Variants in ADAMTSL3 observed in about 807,000 individuals in gnomAD.
ADAMTSL3 encodes the protein ADAMTS like 3, also known as ADAMTS-like protein 3.
ADAMTSL3 carries 128 observed loss-of-function variants against 201.7 expected under a neutral mutation model. The ratio of observed to expected loss-of-function variants is 0.63; its 90% CI spans 0.55 to 0.73. The LOEUF (loss-of-function observed/expected upper bound fraction) is 0.73, where lower values mean the gene tolerates loss of function less well. ADAMTSL3 is among the 30% of genes least tolerant of loss of function. The probability of loss-of-function intolerance (pLI) is 0.00; values close to 1 mark genes in which losing one functional copy is unlikely to be tolerated. For missense variants in ADAMTSL3, 1,990 were observed against 2,119.6 expected, an observed-to-expected ratio of 0.94 and a Z score of 1.20; for synonymous variants, 738 against 748.4, an observed-to-expected ratio of 0.99 and a Z score of 0.23.
At chr15:83,798,986 C>T (rs1261600175) in intron 4 of ADAMTSL3, among the ~76,000 whole-genome samples, 1 of 152,060 alleles carries the variant, frequency 6.6e-6, no homozygotes, top group Admixed American at 6.5e-5. Context: ...AGCTGTAAAC[C>T]TTAATCATTC....
chr15:83,956,770 G>A (rs1164874532), intron 19 of ADAMTSL3, among the ~76,000 whole-genome samples: 1 of 152,064 alleles, frequency 6.6e-6, no homozygotes, highest in Non-Finnish European at 1.5e-5. Flanking sequence ...TTCTGCACAT[G>A]TTTGTATCCC....
intron 23 of ADAMTSL3, among the ~76,000 whole-genome samples, chr15:83,992,446 C>T (rs992640847): frequency 2.6e-5 from 4 of 152,160 alleles, no homozygotes; most frequent in Non-Finnish European, 4.4e-5. Context: ...TGGCAAAATA[C>T]ACCCACCATT....
intron 6 of ADAMTSL3, among the ~76,000 whole-genome samples, chr15:83,835,345 C>G (rs2064247348): frequency 1.3e-5 from 2 of 151,886 alleles, no homozygotes; most frequent in African/African-American, 2.4e-5. Flanking sequence ...TTATGAATCA[C>G]AAGGCAAGAC....
chr15:83,998,413 C>T (rs1291201238), intron 23 of ADAMTSL3, among the ~76,000 whole-genome samples: 1 of 152,108 alleles, frequency 6.6e-6, no homozygotes, highest in African/African-American at 2.4e-5. Flanking sequence ...AGTGCCACTG[C>T]ACTCCAGCCT....
intron 3 of ADAMTSL3, among the ~76,000 whole-genome samples, chr15:83,714,791 T>TTTTCTTTCTC (rs2061982505): frequency 6.3e-5 from 5 of 78,796 alleles, no homozygotes; most frequent in Non-Finnish European, 1.3e-4. Context: ...TTCTTTTTCT[T>TTTTCTTTCTC]TCTCTCTCTT....
chr15:83,960,376 G>GT (rs2066944185), intron 19 of ADAMTSL3, among the ~76,000 whole-genome samples: 2 of 152,120 alleles, frequency 1.3e-5, no homozygotes, highest in South Asian at 4.2e-4. Context: ...GAGGGGGAAG[G>GT]CTGAGAGCTG....
At chr15:83,840,693 G>A (rs1374125106) in intron 7 of ADAMTSL3, among the ~76,000 whole-genome samples, 1 of 152,118 alleles carries the variant, frequency 6.6e-6, no homozygotes, top group Non-Finnish European at 1.5e-5. Flanking sequence ...AGCTGAGATG[G>A]GAAACCATGA....
intron 16 of ADAMTSL3, among the ~76,000 whole-genome samples, chr15:83,918,015 C>A (rs1328634727): frequency 6.6e-6 from 1 of 152,138 alleles, no homozygotes; most frequent in African/African-American, 2.4e-5. Context: ...AAAAATCTGA[C>A]TAAATTGTTG....
At chr15:83,985,466 A>C (rs1397425105) in intron 21 of ADAMTSL3, among the ~76,000 whole-genome samples, 1 of 152,084 alleles carries the variant, frequency 6.6e-6, no homozygotes, top group East Asian at 1.9e-4. Context: ...TCATTCTTTC[A>C]AGTAAAAATC....
intron 15 of ADAMTSL3, among the ~76,000 whole-genome samples, chr15:83,904,125 C>T (rs904794098): frequency 2.6e-5 from 4 of 151,792 alleles, no homozygotes; most frequent in African/African-American, 9.7e-5. Flanking sequence ...TTTCTTCCCC[C>T]GTGTTGAAGA....
At chr15:83,787,229 C>G (rs1165457144) in intron 4 of ADAMTSL3, among the ~76,000 whole-genome samples, 1 of 152,068 alleles carries the variant, frequency 6.6e-6, no homozygotes, top group Non-Finnish European at 1.5e-5. Context: ...AGTGTTTATT[C>G]CGCTGTATTG....
intron 3 of ADAMTSL3, among the ~76,000 whole-genome samples, chr15:83,711,425 T>C (rs879828927): frequency 1.3e-5 from 2 of 152,352 alleles, no homozygotes; most frequent in Middle Eastern, 3.4e-3. Flanking sequence ...GAGCAACTTA[T>C]ATGTTCTCCA....
chr15:83,718,929 G>A (rs1354248555), intron 3 of ADAMTSL3, among the ~76,000 whole-genome samples: 1 of 152,018 alleles, frequency 6.6e-6, no homozygotes, highest in Non-Finnish European at 1.5e-5. Flanking sequence ...TAACCAAACA[G>A]TAGATGAGGA....
At chr15:83,915,218 G>A (rs552127771) in intron 16 of ADAMTSL3, among the ~76,000 whole-genome samples, 2 of 152,284 alleles carry the variant, frequency 1.3e-5, no homozygotes, top group South Asian at 4.1e-4. Context: ...TTTAGGTGCT[G>A]TTGGTAGAAT....
intron 3 of ADAMTSL3, among the ~76,000 whole-genome samples, chr15:83,727,181 A>T (rs1021705897): frequency 4.0e-5 from 6 of 151,710 alleles, no homozygotes; most frequent in African/African-American, 7.3e-5. Flanking sequence ...ATGTATTGGC[A>T]TATAGTTGCT....
At chr15:83,898,319 G>A (rs2065657501) in intron 14 of ADAMTSL3, among the ~76,000 whole-genome samples, 1 of 151,782 alleles carries the variant, frequency 6.6e-6, no homozygotes, top group Admixed American at 6.6e-5. Context: ...AGAATGGCGG[G>A]GGAGAGATTA....
chr15:83,774,640 A>G (rs1933878027), intron 4 of ADAMTSL3, among the ~76,000 whole-genome samples: 1 of 152,194 alleles, frequency 6.6e-6, no homozygotes, highest in Non-Finnish European at 1.5e-5. Context: ...TCAGTAAAGC[A>G]TTGGAGAACT....
At chr15:83,808,130 C>T (rs572978989) in intron 5 of ADAMTSL3, among the ~76,000 whole-genome samples, 41 of 152,056 alleles carry the variant, frequency 2.7e-4, no homozygotes, top group African/African-American at 9.4e-4. Flanking sequence ...CAAAAATAGA[C>T]AAATGGGATT....
intron 4 of ADAMTSL3, among the ~76,000 whole-genome samples, chr15:83,789,429 C>T (rs2063311582): frequency 6.7e-6 from 1 of 149,964 alleles, no homozygotes; most frequent in Non-Finnish European, 1.5e-5. Context: ...TTGCTGTTTT[C>T]TTTTAAATTT....
Sources: gnomAD v4.1 joint callset for allele counts (sites outside exome capture counted in the v4.1 genomes callset) on GRCh38, gnomAD v4.1.1 for gene constraint, MANE v1.5 for transcripts, NCBI Gene and HGNC (gene_info 2026-07-23, HGNC 2026-07-21) for gene names.